Variants in MAD1L1 observed in about 807,000 individuals in gnomAD.
MAD1L1 encodes mitotic arrest deficient 1 like 1.
Under a neutral mutation model 96.9 loss-of-function variants are expected in MAD1L1, and 95 were observed. The observed-to-expected ratio is 0.98, with a 90% CI of 0.83 to 1.16. MAD1L1 has a LOEUF of 1.16. Ranked by LOEUF, MAD1L1 falls within the 50% of genes most tolerant of loss-of-function variation. The probability of loss-of-function intolerance (pLI) is 0.00; values close to 1 mark genes in which losing one functional copy is unlikely to be tolerated. For missense variants in MAD1L1, 1,007 were observed against 954.4 expected (o/e 1.06, Z -0.73); for synonymous variants, 473 against 396.6 (o/e 1.19, Z -2.29).
intron 12 of MAD1L1, among the ~76,000 whole-genome samples, chr7:2,020,287 G>A (rs1232174568): frequency 6.6e-6 from 1 of 152,130 alleles, no homozygotes; most frequent in African/African-American, 2.4e-5. Flanking sequence ...CTGGGCTGCC[G>A]GAAGGAGGAA....
chr7:2,192,402 G>C (rs1016652729), intron 10 of MAD1L1, among the ~76,000 whole-genome samples: 2 of 152,150 alleles, frequency 1.3e-5, no homozygotes, highest in Non-Finnish European at 2.9e-5. Flanking sequence ...AAACTGCTGG[G>C]ATAACAGGCG....
intron 10 of MAD1L1, 84 bp downstream of exon 10, chr7:2,213,128 G>C: frequency 7.0e-7 from 1 of 1,427,334 alleles, no homozygotes; most frequent in East Asian, 2.3e-5. Context: ...TGGAGACTGC[G>C]CTGGTGAGCC....
At chr7:2,106,899 G>A (rs1787129903) in intron 11 of MAD1L1, among the ~76,000 whole-genome samples, 1 of 152,234 alleles carries the variant, frequency 6.6e-6, no homozygotes, top group South Asian at 2.1e-4. Context: ...ACAGCTGAGT[G>A]CAGACCTGGG....
At chr7:2,011,937 C>T (rs990094807) in intron 13 of MAD1L1, among the ~76,000 whole-genome samples, 1 of 152,142 alleles carries the variant, frequency 6.6e-6, no homozygotes, top group Non-Finnish European at 1.5e-5. Flanking sequence ...GAGGACCAGC[C>T]GTGTGAACTC....
At chr7:2,079,841 C>T in intron 11 of MAD1L1, 1 of 439,388 alleles carries the variant, frequency 2.3e-6, no homozygotes, top group Non-Finnish European at 4.7e-6. Flanking sequence ...GGCAAGTCAC[C>T]TCCCCAGGCT....
chr7:2,099,058 G>A (rs914512738), intron 11 of MAD1L1, among the ~76,000 whole-genome samples: 1 of 152,186 alleles, frequency 6.6e-6, no homozygotes, highest in Non-Finnish European at 1.5e-5. Flanking sequence ...GGTGGCAAGG[G>A]TGACAGAAAC....
At chr7:2,052,759 G>A (rs571988290) in intron 12 of MAD1L1, among the ~76,000 whole-genome samples, 39 of 152,324 alleles carry the variant, frequency 2.6e-4, no homozygotes, top group Admixed American at 1.6e-3. Flanking sequence ...ACACAGCTAC[G>A]GCAGCTGGCA....
chr7:2,019,647 G>A (rs777874114), intron 12 of MAD1L1, among the ~76,000 whole-genome samples: 6 of 152,214 alleles, frequency 3.9e-5, no homozygotes, highest in East Asian at 1.9e-4. Context: ...CGGGCTGCCC[G>A]GCCCAGCCCC....
intron 17 of MAD1L1, among the ~76,000 whole-genome samples, chr7:1,911,513 A>G (rs1788013854): frequency 6.6e-6 from 1 of 152,180 alleles, no homozygotes; most frequent in African/African-American, 2.4e-5. Flanking sequence ...CAGACACCCC[A>G]GGCACACTCA....
intron 11 of MAD1L1, among the ~76,000 whole-genome samples, chr7:2,072,859 G>C (rs1219711353): frequency 6.6e-6 from 1 of 152,236 alleles, no homozygotes; most frequent in Non-Finnish European, 1.5e-5. Flanking sequence ...CCTGCATCCT[G>C]AGTGAGGGTG....
intron 18 of MAD1L1, chr7:1,848,550 C>G (rs539714047): frequency 6.6e-6 from 1 of 152,512 alleles, no homozygotes; most frequent in African/African-American, 2.4e-5. Context: ...GGATTCAAGA[C>G]CCTACCAGGA....
In MAD1L1 at chr7:1,815,983, C is replaced by G. The variant is rs189577326; in HGVS notation, c.*87G>C. On this transcript the variant is annotated 3_prime_UTR_variant, in exon 19 of 19. Coordinates refer to ENST00000265854, the MANE Select transcript of MAD1L1 (RefSeq NM_001013836.2). Reference sequence around the variant, plus strand: ...GCCCTGTGGGGCTGGAGAGGCAGGACGTGCACCCAGCCTGTGGCTGGCGGG... The same window carrying G: ...GCCCTGTGGGGCTGGAGAGGCAGGAGGTGCACCCAGCCTGTGGCTGGCGGG... 7.0e-7 allele frequency: 1 copy of G among 1,421,050 alleles called. No homozygotes were observed. Among genetic ancestry groups the G allele is most frequent in the Non-Finnish European group, 9.5e-7 (1 of 1,056,262 alleles). The allele number at this position is 1,421,050 out of a possible 1,614,324, so 88.0% of individuals were successfully genotyped here.
intron 11 of MAD1L1, among the ~76,000 whole-genome samples, chr7:2,128,531 A>AAGG (rs1454873507): frequency 1.3e-5 from 2 of 152,208 alleles, no homozygotes; most frequent in Non-Finnish European, 2.9e-5. Flanking sequence ...TGCCTGAGGG[A>AAGG]AGGCCCTGAC....
chr7:1,824,867 G>A (rs1782309225), intron 18 of MAD1L1, among the ~76,000 whole-genome samples: 1 of 152,022 alleles, frequency 6.6e-6, no homozygotes. Context: ...CACACATGGG[G>A]CGAGCCGGGG....
At chr7:1,959,476 G>A (rs1410089563) in intron 15 of MAD1L1, among the ~76,000 whole-genome samples, 1 of 152,142 alleles carries the variant, frequency 6.6e-6, no homozygotes, top group Non-Finnish European at 1.5e-5. Flanking sequence ...ACGAGGCAGC[G>A]CAAGGAACAC....
In MAD1L1 at chr7:2,160,738, C is replaced by G. The variant is rs1562741389; in HGVS notation, c.987-11500G>C. Among the ~76,000 whole-genome samples the G allele has an allele frequency of 1.5e-4, 23 of 152,204 alleles. No individual in the cohort carries two copies. In the South Asian group the frequency reaches 4.8e-3, roughly 32 times the overall value. On this transcript the variant is annotated intron_variant, in intron 10 of 18. Coordinates refer to ENST00000265854, the MANE Select transcript of MAD1L1 (RefSeq NM_001013836.2). ...ATCTCCGCTCTCCTGCCTCAGCCTC[C>G]AGAGTAGCTGGGATTACAGGTACCC...
chr7:1,823,138 C>A lies in MAD1L1; in HGVS notation c.1999-6910G>T, dbSNP rs573971724. 3.3e-5 allele frequency among the ~76,000 whole-genome samples: 5 copies of A among 152,182 alleles called. No individual in the cohort carries two copies. In the South Asian group the frequency reaches 1.0e-3, roughly 32 times the overall value. On this transcript the variant is annotated intron_variant, in intron 18 of 18. Coordinates refer to ENST00000265854, the MANE Select transcript of MAD1L1 (RefSeq NM_001013836.2). The stretch of plus-strand genomic sequence containing the variant: ...ATACGGAAAAGTCACAGAAAAGTCA[C>A]AAAGGCGCTTCAGTGGAGGAAGGGC...
At chr7:2,040,516 G>A (rs774739368) in intron 12 of MAD1L1, among the ~76,000 whole-genome samples, 2 of 152,222 alleles carry the variant, frequency 1.3e-5, no homozygotes, top group African/African-American at 4.8e-5. Flanking sequence ...GTTCACGAAC[G>A]CGCTCCTGTC....
intron 11 of MAD1L1, among the ~76,000 whole-genome samples, chr7:2,138,683 G>GA (rs1364100225): frequency 1.3e-5 from 2 of 152,130 alleles, no homozygotes; most frequent in African/African-American, 4.8e-5. Context: ...AGCAAGCACT[G>GA]AGAGGAAGGC....
Sources: gnomAD v4.1 joint callset for allele counts (sites outside exome capture counted in the v4.1 genomes callset) on GRCh38, gnomAD v4.1.1 for gene constraint, MANE v1.5 for transcripts, NCBI Gene and HGNC (gene_info 2026-07-23, HGNC 2026-07-21) for gene names.